The following FLACC1 variants were observed in gnomAD, a reference collection of about 807,000 sequenced individuals.
FLACC1 encodes the protein flagellum associated containing coiled-coil domains 1, also known as flagellum-associated coiled-coil domain-containing protein 1.
Under a neutral mutation model 62.8 loss-of-function variants are expected in FLACC1, and 66 were observed. The ratio of observed to expected loss-of-function variants is 1.05; its 90% CI spans 0.86 to 1.29. The LOEUF is 1.29. FLACC1 is among the 50% of genes most tolerant of loss of function. The pLI is 0.00. For missense variants in FLACC1, 452 were observed against 489.1 expected, an observed-to-expected ratio of 0.92 and a Z score of 0.71; for synonymous variants, 156 against 161.0, an observed-to-expected ratio of 0.97 and a Z score of 0.24.
intron 9 of FLACC1, among the ~76,000 whole-genome samples, chr2:201,319,406 T>A (rs1038430366): frequency 6.0e-5 from 9 of 149,928 alleles, no homozygotes; most frequent in African/African-American, 2.2e-4. Flanking sequence ...ACTCTAAGAA[T>A]CCTAGAAGAA....
Position 201,307,513 on chromosome 2 carries a change from A to G in FLACC1, c.879+6T>C, listed in dbSNP as rs953769800. 5 of 1,611,624 alleles carry G rather than the reference A, an allele frequency of 3.1e-6. No homozygotes were observed. The highest frequency in any genetic ancestry group is 2.7e-5 in the African/African-American group (2 of 74,888). ...TCAATCACCAAGGTGCTTTGGGCTGAGTTACCTCCTTCTCTTGAATGAAGT... is the reference window on the plus strand; with the variant it reads ...TCAATCACCAAGGTGCTTTGGGCTGGGTTACCTCCTTCTCTTGAATGAAGT... On this transcript the variant is annotated splice_donor_region_variant and intron_variant, in intron 11 of 14. Coordinates refer to ENST00000392257, the MANE Select transcript of FLACC1 (RefSeq NM_001127391.3).
chr2:201,299,216 A>G (rs1399987867), intron 12 of FLACC1, 22 bp downstream of exon 12: 1 of 1,607,200 alleles, frequency 6.2e-7, no homozygotes, highest in Non-Finnish European at 8.5e-7. Flanking sequence ...CCAAGTCCAC[A>G]GGAAAGGATG....
At chr2:201,348,030 G>GAT in intron 4 of FLACC1, 1 of 437,428 alleles carries the variant, frequency 2.3e-6, no homozygotes, top group Non-Finnish European at 4.1e-6. Flanking sequence ...CAAGGCAGGA[G>GAT]AGAGTGGCAA....
intron 9 of FLACC1, among the ~76,000 whole-genome samples, chr2:201,309,762 C>A (rs1950178405): frequency 6.6e-6 from 1 of 151,480 alleles, no homozygotes; most frequent in African/African-American, 2.4e-5. Flanking sequence ...CAAAAATTAG[C>A]TGGGCGTGGT....
intron 1 of FLACC1, 31 bp from the exon 2 acceptor site, chr2:201,351,482 A>T: frequency 9.2e-7 from 1 of 1,087,584 alleles, no homozygotes; most frequent in Non-Finnish European, 1.4e-6. Flanking sequence ...CAGAAGGTTA[A>T]ACCATTTAGA....
rs116435783 is a variant in FLACC1 at position 201,324,593 on chromosome 2, G to A, written c.675+5877C>T. Among the ~76,000 whole-genome samples the A allele has an allele frequency of 4.7e-3, 715 of 152,280 alleles. 6 individuals carry two copies. The highest frequency in any genetic ancestry group is 7.6e-3 in the Non-Finnish European group (518 of 68,020). ...GGTACATAGAACAGTCTCTAAGATA[G>A]GCCATATGATAGGTCACAAAACAAG... On this transcript the variant is annotated intron_variant, in intron 9 of 14. Transcript: ENST00000392257.
At position 201,330,737 on chromosome 2, in the gene FLACC1, T is replaced by C. The variant is rs145383064; in HGVS notation, c.621A>G (p.Leu207=). Residue 207 remains leucine, a splice_region_variant and synonymous_variant, in exon 8 of 15, where the codon CTA becomes CTG. Coordinates refer to ENST00000392257, the MANE Select transcript of FLACC1 (RefSeq NM_001127391.3). The part of the protein sequence containing the change: ...KAEKLAAQEK[L]EEMGKEYKYL... ...CATTCTCCCAGGTCCCAGCAGTACC[T>C]AGCTTCTCTTGGGCAGCCAACTTCT... The C allele has an allele frequency of 3.0e-5, 49 of 1,613,750 alleles. No homozygotes were observed. The highest frequency in any genetic ancestry group is 4.1e-5 in the Non-Finnish European group (48 of 1,179,908).
At chr2:201,334,932 T>C (rs920396888) in intron 7 of FLACC1, among the ~76,000 whole-genome samples, 14 of 152,172 alleles carry the variant, frequency 9.2e-5, no homozygotes, top group African/African-American at 3.4e-4. Flanking sequence ...TGGGTTTTTT[T>C]TGGATGGTAG....
intron 12 of FLACC1, among the ~76,000 whole-genome samples, chr2:201,293,456 G>T (rs1169494012): frequency 6.6e-6 from 1 of 152,204 alleles, no homozygotes; most frequent in Non-Finnish European, 1.5e-5. Context: ...CAGAAATAAA[G>T]ATGTTCTTCA....
intron 12 of FLACC1, among the ~76,000 whole-genome samples, chr2:201,292,401 C>G (rs533467017): frequency 6.6e-6 from 1 of 152,266 alleles, no homozygotes; most frequent in South Asian, 2.1e-4. Flanking sequence ...AATTTTCAAC[C>G]CAGAATTTCA....
Position 201,330,832 on chromosome 2 carries a change from C to A in FLACC1, c.526G>T (p.Glu176Ter). The part of the protein sequence containing the change: ...MKQNFENKNR[E>*]LKEAHEAELS... ...TCTGCTTCATGGGCCTCTTTGAGCT[C>A]CCTGTGGGACCCCAGGAGAAGGCCA... Residue 176 changes from glutamate to a stop codon, truncating the protein, a stop_gained and splice_region_variant, in exon 8 of 15, where the codon GAG (glutamate) becomes TAG (stop). Coordinates refer to ENST00000392257, the MANE Select transcript of FLACC1 (RefSeq NM_001127391.3). LOFTEE classifies it high-confidence loss of function. 1 of 1,612,166 alleles carries A rather than the reference C, an allele frequency of 6.2e-7. No individual in the cohort carries two copies. Among genetic ancestry groups the A allele is most frequent in the South Asian group, 1.1e-5 (1 of 90,976 alleles).
At chr2:201,305,427 G>A (rs963595781) in intron 11 of FLACC1, among the ~76,000 whole-genome samples, 3 of 152,164 alleles carry the variant, frequency 2.0e-5, no homozygotes, top group African/African-American at 7.2e-5. Context: ...TAAAAAGTCA[G>A]GAAACAACAG....
intron 9 of FLACC1, among the ~76,000 whole-genome samples, chr2:201,313,792 A>G (rs1043808866): frequency 1.3e-5 from 2 of 152,004 alleles, no homozygotes; most frequent in African/African-American, 2.4e-5. Context: ...AAAACTAAGG[A>G]CCCTCACAGA....
In FLACC1 at chr2:201,351,292, T is replaced by C; in HGVS notation, c.113A>G (p.Lys38Arg). Residue 38 changes from lysine to arginine, a missense_variant and splice_region_variant, in exon 2 of 15, where the codon AAG (lysine) becomes AGG (arginine). Physicochemically the swap from Lys to Arg is conservative, Grantham distance 26. Around this residue, in one of 3 missense-constraint regions of FLACC1, gnomAD observed 147 missense variants for 152.7 expected, o/e 0.96. Transcript: ENST00000392257. Reference protein sequence around the residue: ...LPRKNSTGSSKLTPLVPAPKN... With the variant: ...LPRKNSTGSSRLTPLVPAPKN... ...CTACCCCATCCCAGATAATTCTTAC[T>C]TGGAACTCCCTGTGGAGTTCTTGCG... 1 of 1,607,016 alleles carries C rather than the reference T, an allele frequency of 6.2e-7. No homozygotes were observed. Among genetic ancestry groups the C allele is most frequent in the Middle Eastern group, 1.7e-4 (1 of 6,048 alleles).
At chr2:201,360,771 A>G (rs1467313927), upstream of FLACC1, among the ~76,000 whole-genome samples, 1 of 152,102 alleles carries the variant, frequency 6.6e-6, no homozygotes, top group Non-Finnish European at 1.5e-5. Flanking sequence ...AGAAACCTAC[A>G]TTTGTTCAAG....
intron 7 of FLACC1, among the ~76,000 whole-genome samples, chr2:201,341,139 A>G (rs1460552489): frequency 6.6e-6 from 1 of 152,080 alleles, no homozygotes; most frequent in Non-Finnish European, 1.5e-5. Flanking sequence ...AACTCTCTGT[A>G]CTTTCTCCTC....
At chr2:201,306,515 C>T (rs1950110666) in intron 11 of FLACC1, among the ~76,000 whole-genome samples, 1 of 152,156 alleles carries the variant, frequency 6.6e-6, no homozygotes, top group African/African-American at 2.4e-5. Flanking sequence ...ATGACTCTTA[C>T]ACTTCACTTC....
At chr2:201,344,424 G>C (rs933311873) in intron 5 of FLACC1, among the ~76,000 whole-genome samples, 161 bp from the exon 6 acceptor site, 1 of 152,110 alleles carries the variant, frequency 6.6e-6, no homozygotes, top group African/African-American at 2.4e-5. Flanking sequence ...GGAGGGATAG[G>C]GGTGGTCTTA....
chr2:201,291,616 T>G (rs1949736578), intron 12 of FLACC1, among the ~76,000 whole-genome samples: 1 of 152,162 alleles, frequency 6.6e-6, no homozygotes, highest in Admixed American at 6.5e-5. Context: ...AAAATCAGAG[T>G]GCCTCTCCTC....
Sources: gnomAD v4.1 joint callset for allele counts (sites outside exome capture counted in the v4.1 genomes callset) on GRCh38, gnomAD v4.1.1 for gene constraint, gnomAD v4.1.1 regional missense constraint, MANE v1.5 for transcripts, NCBI Gene and HGNC (gene_info 2026-07-23, HGNC 2026-07-21) for gene names.